GTF2H5: variants seen among roughly 807,000 people sequenced by gnomAD.
GTF2H5 encodes the protein TFB5 ortholog.
Under a neutral mutation model 7.1 loss-of-function variants are expected in GTF2H5, and 5 were observed. The ratio of observed to expected loss-of-function variants is 0.71; its 90% confidence interval spans 0.37 to 1.49. GTF2H5 has a LOEUF of 1.49. Ranked by LOEUF, GTF2H5 falls within the 40% of genes most tolerant of loss-of-function variation. The pLI, the probability that GTF2H5 is intolerant of heterozygous loss-of-function variation, is 0.03. For missense variants in GTF2H5, 80 were observed against 83.0 expected (o/e 0.96, Z 0.14); for synonymous variants, 30 against 31.7 (o/e 0.95, Z 0.18).
chr6:158,182,958 T>A (rs961196293), intron 2 of GTF2H5, among the ~76,000 whole-genome samples: 1 of 152,106 alleles, frequency 6.6e-6, no homozygotes, highest in African/African-American at 2.4e-5. Flanking sequence ...GAAGAGGTGT[T>A]CTGGTTTTTG....
chr6:158,187,548 C>A (rs1776950627), intron 2 of GTF2H5, among the ~76,000 whole-genome samples: 1 of 152,032 alleles, frequency 6.6e-6, no homozygotes, highest in African/African-American at 2.4e-5. Flanking sequence ...AGTCTGTTAC[C>A]TGGGTCTTAA....
intron 2 of GTF2H5, among the ~76,000 whole-genome samples, chr6:158,171,113 A>C (rs1785849932): frequency 1.3e-5 from 2 of 152,198 alleles, no homozygotes; most frequent in South Asian, 4.1e-4. Flanking sequence ...CTGTGATGGC[A>C]AGGCTAAGGA....
rs1785758112 is a variant in GTF2H5 at position 158,169,546 on chromosome 6, A to ATATTGTATAT, written c.-34-922_-34-921insTTGTATATTA. Among the ~76,000 whole-genome samples, 3 of 94,122 alleles carry ATATTGTATAT rather than the reference A, an allele frequency of 3.2e-5. 1 individual carries two copies. The highest frequency in any genetic ancestry group is 6.2e-4 in the South Asian group (2 of 3,242). 61.7% of individuals were successfully genotyped at this position (94,122 alleles called of 152,430 possible). A position where few individuals can be genotyped will look rare whatever the true frequency, so the allele number is the denominator to read the frequency against. On this transcript the variant is annotated intron_variant, in intron 1 of 2. Coordinates refer to ENST00000607778, the MANE Select transcript of GTF2H5 (RefSeq NM_207118.3). ...TAATATACAGTATATTATATATAAT[A>ATATTGTATAT]TACTGTATATTATATATAATATATT...
chr6:158,175,022 G>GTGTGTGTGTGTGTGTGTGTGTATATA (rs1562471546), intron 2 of GTF2H5, among the ~76,000 whole-genome samples: 1 of 122,652 alleles, frequency 8.2e-6, no homozygotes, highest in African/African-American at 4.3e-5. Context: ...GTGTGTGTGT[G>GTGTGTGTGTGTGTGTGTGTGTATATA]TGTGTGTGTG....
chr6:158,168,904 C>G (rs57157874), intron 1 of GTF2H5, among the ~76,000 whole-genome samples: 22,526 of 151,880 alleles, frequency 0.15, 2,530 homozygotes, highest in East Asian at 0.42. Context: ...TCGAGACCAG[C>G]CTGGCCAACA....
At chr6:158,188,632 T>G (rs945422962) in intron 2 of GTF2H5, among the ~76,000 whole-genome samples, 7 of 151,410 alleles carry the variant, frequency 4.6e-5, no homozygotes, top group African/African-American at 1.7e-4. Flanking sequence ...ATCTTTTCAT[T>G]TAAATTCTTA....
chr6:158,197,297 G>A lies in GTF2H5; in HGVS notation c.*5140G>A, dbSNP rs185564909. 486 of 195,400 alleles carry A rather than the reference G, an allele frequency of 2.5e-3. 1 individual carries two copies. The highest frequency in any genetic ancestry group is 3.5e-3 in the Non-Finnish European group (302 of 85,240). The allele number at this position is 195,400 out of a possible 1,614,324, so 12.1% of individuals were successfully genotyped here. On this transcript the variant is annotated 3_prime_UTR_variant, in exon 3 of 3. Transcript: ENST00000607778. ...CAAATGCAGAAAGAAAAGCACAGTC[G>A]TCATGCAAAATAGTCACTACTCATT...
chr6:158,188,992 C>T (rs1425111255), intron 2 of GTF2H5, among the ~76,000 whole-genome samples: 4 of 131,966 alleles, frequency 3.0e-5, no homozygotes, highest in Non-Finnish European at 4.7e-5. Context: ...CCCTCTGGGA[C>T]ATAGTGAGAT....
intron 1 of GTF2H5, among the ~76,000 whole-genome samples, chr6:158,169,674 A>ACATAATG (rs1785782524): frequency 1.8e-5 from 1 of 55,474 alleles, no homozygotes; most frequent in Non-Finnish European, 3.0e-5. Flanking sequence ...ATTGTATATT[A>ACATAATG]TATAATATAT....
intron 2 of GTF2H5, among the ~76,000 whole-genome samples, chr6:158,181,519 G>C (rs1464073676): frequency 6.6e-6 from 1 of 152,082 alleles, no homozygotes; most frequent in Non-Finnish European, 1.5e-5. Context: ...TCTCTTTGTA[G>C]GTCTCTAAGA....
rs1170140465 is a variant in GTF2H5 at position 158,169,601 on chromosome 6, CATATATTGTATATTACATATA to C, written c.-34-847_-34-827del. Among the ~76,000 whole-genome samples, 224 of 44,546 alleles carry C rather than the reference CATATATTGTATATTACATATA, an allele frequency of 5.0e-3. 27 individuals are homozygous for C. The highest frequency in any genetic ancestry group is 0.02 in the African/African-American group (195 of 9,656). 29.2% of individuals were successfully genotyped at this position (44,546 alleles called of 152,430 possible). On this transcript the variant is annotated intron_variant, in intron 1 of 2. Transcript: ENST00000607778. ...ATTATATATAATATATTGTATATTACATATATTGTATATTACATATAATATATTGTATATTACATATATTGT... is the reference window on the plus strand; with the variant it reads ...ATTATATATAATATATTGTATATTACATATATTGTATATTACATATATTGT...
At chr6:158,170,608 C>A (rs1323673967) in intron 2 of GTF2H5, 70 bp downstream of exon 2, 1 of 1,083,828 alleles carries the variant, frequency 9.2e-7, no homozygotes, top group Non-Finnish European at 1.4e-6. Context: ...TATGTCTTTT[C>A]TAAAACCCTG....
rs966649779 is a variant in GTF2H5 at position 158,195,932 on chromosome 6, A to G, written c.*3775A>G. The G allele has an allele frequency of 6.6e-6, 1 of 152,228 alleles. No individual in the cohort carries two copies. The highest frequency in any genetic ancestry group is 1.5e-5 in the Non-Finnish European group (1 of 68,042). The allele number at this position is 152,228 out of a possible 1,614,324, so 9.4% of individuals were successfully genotyped here. A position where few individuals can be genotyped will look rare whatever the true frequency, so the allele number is the denominator to read the frequency against. Reference sequence around the variant, plus strand: ...GATAACACTGAAATGTCTATGGATGAGATTATTGGATAAACTTTTTTAAAA... The same window carrying G: ...GATAACACTGAAATGTCTATGGATGGGATTATTGGATAAACTTTTTTAAAA... On this transcript the variant is annotated 3_prime_UTR_variant, in exon 3 of 3. Transcript: ENST00000607778.
intron 2 of GTF2H5, among the ~76,000 whole-genome samples, chr6:158,175,814 T>C (rs1785925650): frequency 6.6e-6 from 1 of 152,068 alleles, no homozygotes; most frequent in African/African-American, 2.4e-5. Flanking sequence ...TAAAAATGTA[T>C]GTATTTAATG....
chr6:158,177,335 C>T (rs918553684), intron 2 of GTF2H5, among the ~76,000 whole-genome samples: 1 of 152,148 alleles, frequency 6.6e-6, no homozygotes, highest in African/African-American at 2.4e-5. Context: ...CTTTGGCTCC[C>T]TATGTAATAA....
intron 2 of GTF2H5, among the ~76,000 whole-genome samples, chr6:158,170,963 A>G (rs1785846810): frequency 6.6e-6 from 1 of 152,252 alleles, no homozygotes; most frequent in African/African-American, 2.4e-5. Context: ...ATAAATGGGC[A>G]GAGTTGAGTT....
chr6:158,171,037 G>T (rs1785848430), intron 2 of GTF2H5, among the ~76,000 whole-genome samples: 1 of 152,158 alleles, frequency 6.6e-6, no homozygotes. Context: ...CCCATTGTCT[G>T]AAAATACTAC....
rs1434285333 is a variant in GTF2H5 at position 158,196,936 on chromosome 6, G to C, written c.*4779G>C. ...CACAATATGCTCCTCAGTTGGTTCA[G>C]CTTTTATAAATCTGACTGAAAAATT... is the stretch of plus-strand genomic sequence containing the variant. On this transcript the variant is annotated 3_prime_UTR_variant, in exon 3 of 3. Coordinates refer to ENST00000607778, the MANE Select transcript of GTF2H5 (RefSeq NM_207118.3). 2 of 152,000 alleles carry C rather than the reference G, an allele frequency of 1.3e-5. No homozygotes were observed. The highest frequency in any genetic ancestry group is 1.5e-5 in the Non-Finnish European group (1 of 68,038). 9.4% of individuals were successfully genotyped at this position (152,000 alleles called of 1,614,324 possible). A position where few individuals can be genotyped will look rare whatever the true frequency, so the allele number is the denominator to read the frequency against.
intron 2 of GTF2H5, among the ~76,000 whole-genome samples, chr6:158,186,334 A>T (rs1776919884): frequency 6.6e-6 from 1 of 152,232 alleles, no homozygotes; most frequent in African/African-American, 2.4e-5. Flanking sequence ...CAAAGTCTTC[A>T]TAACCACTTA....
Sources: gnomAD v4.1 joint callset for allele counts (sites outside exome capture counted in the v4.1 genomes callset) on GRCh38, gnomAD v4.1.1 for gene constraint, MANE v1.5 for transcripts, NCBI Gene and HGNC (gene_info 2026-07-23, HGNC 2026-07-21) for gene names.